DENND2B: variants seen among roughly 807,000 people sequenced by gnomAD.
DENND2B encodes the protein DENN domain containing 2B, also known as DENN domain-containing protein 2B.
In DENND2B, 32 loss-of-function variants were observed where a neutral mutation model predicts 116.0. The ratio of observed to expected loss-of-function variants is 0.28; its 90% confidence interval spans 0.21 to 0.37. DENND2B has a LOEUF of 0.37. DENND2B is among the 10% of genes least tolerant of loss of function. DENND2B has a pLI of 1.00. For missense variants in DENND2B, 1,276 were observed against 1,477.7 expected (o/e 0.86, Z 2.24); for synonymous variants, 588 against 583.9 (o/e 1.01, Z -0.10).
intron 1 of DENND2B, among the ~76,000 whole-genome samples, chr11:8,793,817 C>T (rs1237573149): frequency 6.6e-6 from 1 of 152,194 alleles, no homozygotes; most frequent in Non-Finnish European, 1.5e-5. Flanking sequence ...AACACTCCCA[C>T]TAACAATGTA....
At chr11:8,792,066 A>T (rs1442089308) in intron 1 of DENND2B, among the ~76,000 whole-genome samples, 1 of 151,818 alleles carries the variant, frequency 6.6e-6, no homozygotes, top group East Asian at 1.9e-4. Flanking sequence ...TTAGCTGGGC[A>T]TGATGGTGGG....
At chr11:8,859,364 G>C (rs924646479) in intron 2 of DENND2B, among the ~76,000 whole-genome samples, 1 of 152,032 alleles carries the variant, frequency 6.6e-6, no homozygotes, top group Non-Finnish European at 1.5e-5. Flanking sequence ...CTGGAGTGCA[G>C]TGGCGCGATC....
At chr11:8,789,039 A>C (rs926267348) in intron 1 of DENND2B, among the ~76,000 whole-genome samples, 16 of 152,192 alleles carry the variant, frequency 1.1e-4, no homozygotes, top group African/African-American at 3.9e-4. Context: ...ATTCCTTTGT[A>C]AGCACACCTA....
intron 1 of DENND2B, among the ~76,000 whole-genome samples, chr11:8,754,104 T>G (rs1418675204): frequency 6.6e-6 from 1 of 151,116 alleles, no homozygotes; most frequent in African/African-American, 2.4e-5. Flanking sequence ...AGAACTTTTG[T>G]GCTGTAAGCA....
intron 1 of DENND2B, among the ~76,000 whole-genome samples, chr11:8,884,174 T>C (rs915618722): frequency 6.6e-6 from 1 of 152,016 alleles, no homozygotes; most frequent in Non-Finnish European, 1.5e-5. Flanking sequence ...ACCCTCTAAT[T>C]CACGATTCAA....
At chr11:8,895,609 T>C (rs2064091957) in intron 1 of DENND2B, 3 of 152,294 alleles carry the variant, frequency 2.0e-5, no homozygotes, top group South Asian at 2.1e-4. Flanking sequence ...TAGACAATTA[T>C]TGTTTAACGA....
rs542290042 is a variant in DENND2B, at chr11:8,712,190, G to A, written c.2172+361C>T. Among the ~76,000 whole-genome samples the A allele has an allele frequency of 2.6e-5, 4 of 152,180 alleles. No individual in the cohort carries two copies. The highest frequency in any genetic ancestry group is 5.9e-5 in the Non-Finnish European group (4 of 68,034). On this transcript the variant is annotated intron_variant, in intron 9 of 19. Coordinates refer to ENST00000313726, the MANE Select transcript of DENND2B (RefSeq NM_213618.2). The surrounding 1 kb of genome is among the most constrained non-coding windows in gnomAD (Gnocchi z 4.4). ...CTAGTGGGTGCAGAGTTTCTCTTTG[G>A]GGTGATAAAAATGTTCTAAAATTGA... is the stretch of plus-strand genomic sequence containing the variant.
intron 4 of DENND2B, among the ~76,000 whole-genome samples, chr11:8,829,798 A>G (rs1279232965): frequency 3.3e-5 from 5 of 151,864 alleles, no homozygotes; most frequent in African/African-American, 4.8e-5. Context: ...TTCGTCCCCA[A>G]TCTCCCCTTC....
intron 1 of DENND2B, among the ~76,000 whole-genome samples, chr11:8,897,916 A>G (rs2064122322): frequency 6.6e-6 from 1 of 152,140 alleles, no homozygotes; most frequent in Non-Finnish European, 1.5e-5. Context: ...GACCACAGGC[A>G]TGCACCACCA....
chr11:8,759,264 T>C (rs1162206580), intron 1 of DENND2B, among the ~76,000 whole-genome samples: 1 of 152,218 alleles, frequency 6.6e-6, no homozygotes, highest in Non-Finnish European at 1.5e-5. Flanking sequence ...GTCTGTCTGA[T>C]ACTTTTCTGC....
At chr11:8,780,971 G>A (rs1341197053) in intron 1 of DENND2B, among the ~76,000 whole-genome samples, 2 of 152,148 alleles carry the variant, frequency 1.3e-5, no homozygotes, top group Non-Finnish European at 2.9e-5. Context: ...GCCAGCTCTT[G>A]GGAGGGGACA....
intron 1 of DENND2B, among the ~76,000 whole-genome samples, chr11:8,789,483 T>C (rs998149825): frequency 6.6e-6 from 1 of 152,162 alleles, no homozygotes; most frequent in Non-Finnish European, 1.5e-5. Context: ...TAACCAGTAA[T>C]CAAACTTAGC....
chr11:8,776,245 G>GC (rs1167635840), intron 1 of DENND2B: 2 of 455,594 alleles, frequency 4.4e-6, no homozygotes, highest in African/African-American at 2.0e-5. Context: ...GTCCATTTCT[G>GC]CCCCATGTTT....
At chr11:8,724,070 C>T (rs535023966) in intron 4 of DENND2B, among the ~76,000 whole-genome samples, 20 of 152,180 alleles carry the variant, frequency 1.3e-4, no homozygotes, top group African/African-American at 3.6e-4. Context: ...CCGAGGCAGG[C>T]GGATCATGAA....
At chr11:8,745,462 G>T (rs965106847) in intron 2 of DENND2B, among the ~76,000 whole-genome samples, 2 of 152,156 alleles carry the variant, frequency 1.3e-5, no homozygotes, top group African/African-American at 4.8e-5. Flanking sequence ...AGTGTATTTT[G>T]CATCTGGGAA....
intron 4 of DENND2B, among the ~76,000 whole-genome samples, chr11:8,831,228 A>C (rs1407825230): frequency 6.6e-6 from 1 of 152,302 alleles, no homozygotes; most frequent in East Asian, 1.9e-4. Context: ...TAAGAATCAC[A>C]TAAGTATGTA....
At chr11:8,882,947 C>G (rs562094614) in intron 1 of DENND2B, among the ~76,000 whole-genome samples, 1 of 152,320 alleles carries the variant, frequency 6.6e-6, no homozygotes, top group South Asian at 2.1e-4. Flanking sequence ...GTGATTGCAC[C>G]ACTGCACTCC....
intron 1 of DENND2B, among the ~76,000 whole-genome samples, chr11:8,888,955 C>A (rs1488633082): frequency 3.9e-5 from 6 of 151,930 alleles, no homozygotes; most frequent in Admixed American, 3.9e-4. Context: ...TATGGAGAAA[C>A]TGGAACACTT....
At chr11:8,739,617 C>G (rs2049826487) in intron 2 of DENND2B, among the ~76,000 whole-genome samples, 1 of 152,262 alleles carries the variant, frequency 6.6e-6, no homozygotes, top group African/African-American at 2.4e-5. Context: ...CACTGTAGAA[C>G]TGGGCACTTG....
Sources: gnomAD v4.1 joint callset for allele counts (sites outside exome capture counted in the v4.1 genomes callset) on GRCh38, gnomAD v4.1.1 for gene constraint, Gnocchi (gnomAD v3.1) non-coding constraint, MANE v1.5 for transcripts, NCBI Gene and HGNC (gene_info 2026-07-23, HGNC 2026-07-21) for gene names.